GPC5: variants seen among roughly 807,000 people sequenced by gnomAD.
GPC5 encodes the protein glypican-5.
In GPC5, 47 loss-of-function variants were observed where a neutral mutation model predicts 53.9. The observed-to-expected ratio is 0.87, with a 90% CI of 0.69 to 1.11. The LOEUF (loss-of-function observed/expected upper bound fraction) is 1.11, where lower values mean the gene tolerates loss of function less well. GPC5 is among the 50% of genes most tolerant of loss of function. GPC5 has a pLI of 0.00. For synonymous variants in GPC5, 286 were observed against 263.3 expected, an observed-to-expected ratio of 1.09 and a Z score of -0.84; for missense variants, 748 against 713.1, an observed-to-expected ratio of 1.05 and a Z score of -0.56.
intron 5 of GPC5, 98 bp from the exon 6 acceptor site, chr13:91,907,839 T>C: frequency 7.8e-7 from 1 of 1,277,068 alleles, no homozygotes; most frequent in Non-Finnish European, 1.1e-6. Flanking sequence ...GTGTATTCTC[T>C]AAAGGAGGAA....
At chr13:92,650,054 C>CG (rs1304984348) in intron 7 of GPC5, among the ~76,000 whole-genome samples, 7 of 152,060 alleles carry the variant, frequency 4.6e-5, no homozygotes. Context: ...TGTTTCTCAT[C>CG]ATAAGTTCAC....
At chr13:92,587,971 A>T (rs1407120428) in intron 7 of GPC5, among the ~76,000 whole-genome samples, 1 of 151,840 alleles carries the variant, frequency 6.6e-6, no homozygotes, top group Non-Finnish European at 1.5e-5. Flanking sequence ...GGTTTTTTAC[A>T]TAGGTATACA....
At chr13:92,678,608 A>G (rs1332034774) in intron 7 of GPC5, among the ~76,000 whole-genome samples, 1 of 152,194 alleles carries the variant, frequency 6.6e-6, no homozygotes, top group Non-Finnish European at 1.5e-5. Flanking sequence ...TACCGTGGAA[A>G]TGGTAGAAGA....
chr13:92,361,621 G>A (rs767643435), intron 7 of GPC5, among the ~76,000 whole-genome samples: 4 of 151,560 alleles, frequency 2.6e-5, no homozygotes, highest in Non-Finnish European at 5.9e-5. Context: ...TGGGTTTGGA[G>A]GATCAACCAT....
chr13:92,726,017 C>T (rs1294720809), intron 7 of GPC5, among the ~76,000 whole-genome samples: 1 of 151,532 alleles, frequency 6.6e-6, no homozygotes, highest in African/African-American at 2.4e-5. Flanking sequence ...CTGAATATTG[C>T]TCTAGGTGAG....
intron 6 of GPC5, among the ~76,000 whole-genome samples, chr13:91,958,916 A>G (rs1302422262): frequency 1.3e-5 from 2 of 152,054 alleles, no homozygotes; most frequent in Non-Finnish European, 2.9e-5. Context: ...CCACACCTAC[A>G]TCAGAAAAAC....
At chr13:92,716,531 A>G (rs1357316022) in intron 7 of GPC5, among the ~76,000 whole-genome samples, 2 of 151,686 alleles carry the variant, frequency 1.3e-5, no homozygotes, top group Non-Finnish European at 2.9e-5. Flanking sequence ...CTGTCTCCCT[A>G]TTAGACTGCC....
intron 2 of GPC5, among the ~76,000 whole-genome samples, chr13:91,652,588 A>G (rs2034742575): frequency 6.6e-6 from 1 of 152,184 alleles, no homozygotes; most frequent in Non-Finnish European, 1.5e-5. Context: ...GCACAAAGGG[A>G]TGATTCATGC....
chr13:91,916,645 G>A (rs1224114299), intron 6 of GPC5, among the ~76,000 whole-genome samples: 2 of 152,138 alleles, frequency 1.3e-5, no homozygotes, highest in African/African-American at 2.4e-5. Context: ...TTGAGACTGG[G>A]TAATTTATAA....
chr13:91,572,992 C>T (rs1292824181), intron 2 of GPC5, among the ~76,000 whole-genome samples: 1 of 152,112 alleles, frequency 6.6e-6, no homozygotes, highest in Non-Finnish European at 1.5e-5. Flanking sequence ...ACTTTTAATA[C>T]AGTTCCCCTC....
chr13:91,628,506 C>CTG (rs375961276), intron 2 of GPC5, among the ~76,000 whole-genome samples: 70,805 of 150,476 alleles, frequency 0.47, 19,550 homozygotes, highest in Non-Finnish European at 0.6. Context: ...GTCTGTCTAT[C>CTG]TCTCTATCTA....
intron 4 of GPC5, among the ~76,000 whole-genome samples, chr13:91,745,840 C>A (rs1176725104): frequency 6.6e-6 from 1 of 152,058 alleles, no homozygotes; most frequent in Non-Finnish European, 1.5e-5. Context: ...GTGATGTGTT[C>A]ACCCTCTCTT....
At chr13:91,446,706 G>A (rs1341809419) in intron 1 of GPC5, among the ~76,000 whole-genome samples, 1 of 152,198 alleles carries the variant, frequency 6.6e-6, no homozygotes, top group African/African-American at 2.4e-5. Context: ...CTCTTTCCCT[G>A]AGGATTTTGT....
intron 7 of GPC5, among the ~76,000 whole-genome samples, chr13:92,318,019 G>T (rs2043191303): frequency 6.6e-6 from 1 of 152,170 alleles, no homozygotes; most frequent in South Asian, 2.1e-4. Flanking sequence ...AGTTACTACT[G>T]AAAGTGGTGA....
At chr13:91,838,056 C>A (rs1566295733) in intron 5 of GPC5, among the ~76,000 whole-genome samples, 1 of 152,106 alleles carries the variant, frequency 6.6e-6, no homozygotes, top group Non-Finnish European at 1.5e-5. Flanking sequence ...ACAAATGGAG[C>A]AGAGAGCCCA....
intron 6 of GPC5, among the ~76,000 whole-genome samples, chr13:92,006,430 T>A (rs537700393): frequency 6.6e-6 from 1 of 152,290 alleles, no homozygotes; most frequent in African/African-American, 2.4e-5. Context: ...TCTCTAAGGC[T>A]AAGAAATTGT....
chr13:92,129,052 A>C (rs964020488), intron 6 of GPC5, among the ~76,000 whole-genome samples: 2 of 152,178 alleles, frequency 1.3e-5, no homozygotes, highest in Non-Finnish European at 2.9e-5. Context: ...CTGCCTCAAA[A>C]ACATGGCCAA....
At chr13:92,024,111 T>C (rs1166172379) in intron 6 of GPC5, among the ~76,000 whole-genome samples, 1 of 152,158 alleles carries the variant, frequency 6.6e-6, no homozygotes, top group East Asian at 1.9e-4. Flanking sequence ...GCCTCAATTA[T>C]GGTGCCTAAT....
At chr13:92,405,762 A>G (rs751854436) in intron 7 of GPC5, among the ~76,000 whole-genome samples, 20 of 152,202 alleles carry the variant, frequency 1.3e-4, no homozygotes, top group Non-Finnish European at 1.8e-4. Context: ...GAGTATTTAT[A>G]AAGTGTATTC....
Sources: gnomAD v4.1 joint callset for allele counts (sites outside exome capture counted in the v4.1 genomes callset) on GRCh38, gnomAD v4.1.1 for gene constraint, MANE v1.5 for transcripts, NCBI Gene and HGNC (gene_info 2026-07-23, HGNC 2026-07-21) for gene names.